MCTP2: variants seen among roughly 807,000 people sequenced by gnomAD.
MCTP2 encodes multiple C2 and transmembrane domain containing 2.
Under a neutral mutation model 111.6 loss-of-function variants are expected in MCTP2, and 132 were observed. That is an observed-to-expected ratio of 1.18 (90% CI 1.03 to 1.37). The LOEUF is 1.37. Among genes scored for constraint, MCTP2 ranks in the 40% most tolerant of loss-of-function variants. The pLI is 0.00. For synonymous variants in MCTP2, 395 were observed against 387.7 expected, an observed-to-expected ratio of 1.02 and a Z score of -0.22; for missense variants, 1,183 against 1,067.9, an observed-to-expected ratio of 1.11 and a Z score of -1.50.
chr15:94,291,276 A>T (rs2075017551), intron 1 of MCTP2, among the ~76,000 whole-genome samples: 1 of 152,208 alleles, frequency 6.6e-6, no homozygotes. Context: ...ATAAACCATG[A>T]CCTAAAGAGA....
chr15:94,455,351 T>C (rs901996122), intron 19 of MCTP2, among the ~76,000 whole-genome samples: 3 of 152,168 alleles, frequency 2.0e-5, no homozygotes, highest in Non-Finnish European at 4.4e-5. Context: ...GATTTCAAAA[T>C]TTTAAAAATA....
chr15:94,299,460 C>T (rs1360230573), intron 2 of MCTP2, among the ~76,000 whole-genome samples: 1 of 152,094 alleles, frequency 6.6e-6, no homozygotes, highest in Non-Finnish European at 1.5e-5. Flanking sequence ...CTATTTTATA[C>T]CTGTGTGTGC....
In MCTP2 at chr15:94,470,412, A is replaced by T. The variant is rs769086088; in HGVS notation, c.2440A>T (p.Ile814Phe). 1 of 1,613,260 alleles carries T rather than the reference A, an allele frequency of 6.2e-7. No homozygotes were observed. Residue 814 changes from isoleucine (I) to phenylalanine (F), a missense_variant, in exon 21 of 23, where the codon ATT (isoleucine) becomes TTT (phenylalanine). Coordinates refer to ENST00000357742, the MANE Select transcript of MCTP2 (RefSeq NM_001385001.1). ...AGCAGCCACCATCATTTTGTATTTC[A>T]TTCCACTGCGGTACATCATTTTAAT... ...LAAATIILYF[I>F]PLRYIILIWG...
chr15:94,463,527 G>A (rs1191608252), intron 20 of MCTP2, among the ~76,000 whole-genome samples: 1 of 152,010 alleles, frequency 6.6e-6, no homozygotes, highest in Non-Finnish European at 1.5e-5. Context: ...TTAGATAAAT[G>A]TATAAGAATA....
intron 17 of MCTP2, among the ~76,000 whole-genome samples, chr15:94,435,946 T>C (rs886847211): frequency 2.6e-5 from 4 of 152,160 alleles, no homozygotes; most frequent in Non-Finnish European, 5.9e-5. Context: ...TATATTCTTC[T>C]AAACAAGTTT....
chr15:94,334,897 A>G (rs2077284314), intron 4 of MCTP2, among the ~76,000 whole-genome samples: 1 of 152,132 alleles, frequency 6.6e-6, no homozygotes, highest in African/African-American at 2.4e-5. Context: ...ATTTTACTCT[A>G]TATTATGAAA....
intron 14 of MCTP2, among the ~76,000 whole-genome samples, chr15:94,388,522 A>T (rs2080660325): frequency 1.3e-5 from 2 of 152,370 alleles, no homozygotes; most frequent in East Asian, 3.9e-4. Context: ...CCCTCAATTT[A>T]ACTGGCAAAG....
rs796972596 is a variant in MCTP2, at chr15:94,476,902, C to G, written c.2568+109C>G. The G allele has an allele frequency of 5.4e-5, 36 of 668,548 alleles. No homozygotes were observed. In the African/African-American group the frequency reaches 5.8e-4, roughly 11 times the overall value. 41.4% of individuals were successfully genotyped at this position (668,548 alleles called of 1,614,324 possible). A position where few individuals can be genotyped will look rare whatever the true frequency, so the allele number is the denominator to read the frequency against. On this transcript the variant is annotated intron_variant, in intron 22 of 22. Transcript: ENST00000357742. Reference sequence around the variant, plus strand: ...TTGTGTGAGTAATTGAGATAAGGAACCAGAAAATCCTTAAAGAGGCCTGGC... The same window carrying G: ...TTGTGTGAGTAATTGAGATAAGGAAGCAGAAAATCCTTAAAGAGGCCTGGC...
intron 14 of MCTP2, among the ~76,000 whole-genome samples, chr15:94,394,373 A>G (rs998146936): frequency 6.6e-6 from 1 of 152,148 alleles, no homozygotes; most frequent in Non-Finnish European, 1.5e-5. Context: ...CTTATAGTGT[A>G]AGCTGGCATT....
At chr15:94,475,314 C>T (rs759840077) in intron 21 of MCTP2, among the ~76,000 whole-genome samples, 4 of 152,118 alleles carry the variant, frequency 2.6e-5, no homozygotes, top group African/African-American at 4.8e-5. Flanking sequence ...CCAGCCCAAC[C>T]GCCAAGCCAC....
At chr15:94,329,066 T>C (rs1461891231) in intron 4 of MCTP2, among the ~76,000 whole-genome samples, 1 of 152,150 alleles carries the variant, frequency 6.6e-6, no homozygotes, top group Admixed American at 6.5e-5. Context: ...AGAAGCTGCG[T>C]CATCTTTTAT....
chr15:94,293,681 T>G, intron 1 of MCTP2, among the ~76,000 whole-genome samples: 1 of 152,202 alleles, frequency 6.6e-6, no homozygotes, highest in East Asian at 1.9e-4. Context: ...ACATACCTAT[T>G]AGAATGGCTA....
chr15:94,345,554 TA>T (rs1289408330), intron 8 of MCTP2, among the ~76,000 whole-genome samples: 1 of 152,016 alleles, frequency 6.6e-6, no homozygotes, highest in African/African-American at 2.4e-5. Flanking sequence ...GTACACTTTT[TA>T]AGTCTCTTTA....
chr15:94,424,766 G>C (rs893525194), intron 17 of MCTP2, among the ~76,000 whole-genome samples: 1 of 152,114 alleles, frequency 6.6e-6, no homozygotes, highest in African/African-American at 2.4e-5. Flanking sequence ...GTGTGAAGGG[G>C]TACTTTGGTG....
chr15:94,300,528 CT>C (rs969975043), intron 2 of MCTP2, among the ~76,000 whole-genome samples: 2 of 142,526 alleles, frequency 1.4e-5, no homozygotes, highest in Non-Finnish European at 3.0e-5. Flanking sequence ...AAAAAAAGAA[CT>C]TTTATTGTCT....
intron 1 of MCTP2, among the ~76,000 whole-genome samples, chr15:94,272,211 T>C (rs2073942159): frequency 7.1e-6 from 1 of 141,646 alleles, no homozygotes; most frequent in Admixed American, 6.7e-5. Flanking sequence ...GCTAAGACAA[T>C]TTTTTTTATT....
At chr15:94,378,923 A>G (rs568680939) in intron 12 of MCTP2, among the ~76,000 whole-genome samples, 2 of 152,204 alleles carry the variant, frequency 1.3e-5, no homozygotes, top group South Asian at 4.1e-4. Context: ...CAGTTGTTGA[A>G]TATATGAACA....
chr15:94,361,540 T>C (rs1161855366), intron 10 of MCTP2, among the ~76,000 whole-genome samples: 1 of 152,196 alleles, frequency 6.6e-6, no homozygotes, highest in Admixed American at 6.5e-5. Context: ...AACATCTACT[T>C]GACACTGTTT....
At chr15:94,339,554 T>A in intron 5 of MCTP2, 122 bp downstream of exon 5, 1 of 670,466 alleles carries the variant, frequency 1.5e-6, no homozygotes, top group Non-Finnish European at 2.2e-6. Flanking sequence ...TTAAAAATAA[T>A]AATATAGAAA....
Sources: allele counts gnomAD v4.1 joint callset (sites outside exome capture counted in the v4.1 genomes callset), GRCh38; gene constraint gnomAD v4.1.1; transcripts MANE v1.5; gene names NCBI Gene and HGNC (gene_info 2026-07-23, HGNC 2026-07-21).